The following CYBRD1 variants were observed in gnomAD, a reference collection of about 807,000 sequenced individuals.
CYBRD1 encodes the protein cytochrome b reductase 1.
In CYBRD1, 14 loss-of-function variants were observed where a neutral mutation model predicts 21.9. The ratio of observed to expected loss-of-function variants is 0.64; its 90% CI spans 0.42 to 1.00. The LOEUF is 1.00. CYBRD1 is among the 50% of genes least tolerant of loss of function. CYBRD1 has a pLI of 0.00. For missense variants in CYBRD1, 328 were observed against 352.5 expected, an observed-to-expected ratio of 0.93 and a Z score of 0.56; for synonymous variants, 146 against 136.5, an observed-to-expected ratio of 1.07 and a Z score of -0.48.
intron 2 of CYBRD1, among the ~76,000 whole-genome samples, chr2:171,542,952 C>G (rs1031004523): frequency 4.6e-5 from 7 of 152,000 alleles, no homozygotes; most frequent in African/African-American, 1.7e-4. Flanking sequence ...GGCTTAAATG[C>G]TTTTATTATA....
chr2:171,533,304 T>C (rs1226826708), intron 1 of CYBRD1, among the ~76,000 whole-genome samples: 1 of 152,150 alleles, frequency 6.6e-6, no homozygotes, highest in East Asian at 1.9e-4. Context: ...GAATCCGAGG[T>C]TGCAGTGAGC....
intron 3 of CYBRD1, among the ~76,000 whole-genome samples, chr2:171,553,963 G>A (rs929436230): frequency 6.6e-6 from 1 of 152,180 alleles, no homozygotes; most frequent in Non-Finnish European, 1.5e-5. Flanking sequence ...ACTCCACAGG[G>A]CGGGAGTGGC....
chr2:171,526,811 C>T (rs912622270), intron 1 of CYBRD1, among the ~76,000 whole-genome samples: 2 of 152,122 alleles, frequency 1.3e-5, no homozygotes, highest in Admixed American at 6.6e-5. Flanking sequence ...CTACATTTAG[C>T]GAAAAGAAGT....
At chr2:171,527,044 C>T (rs1344711891) in intron 1 of CYBRD1, among the ~76,000 whole-genome samples, 1 of 152,074 alleles carries the variant, frequency 6.6e-6, no homozygotes, top group Admixed American at 6.6e-5. Flanking sequence ...TCCAAGATTA[C>T]TTAAATAGAC....
At chr2:171,551,395 C>A (rs1473820229) in intron 2 of CYBRD1, among the ~76,000 whole-genome samples, 1 of 151,714 alleles carries the variant, frequency 6.6e-6, no homozygotes, top group Non-Finnish European at 1.5e-5. Flanking sequence ...TATATTCAGG[C>A]ATTTTGGTTA....
At position 171,522,611 on chromosome 2, in the gene CYBRD1, G is replaced by A. The variant is rs756288449; in HGVS notation, c.66G>A (p.Leu22=). ...GGTCGGCACTGCTCGTCGGCTTCCT[G>A]TCGGTGATCTTCGCCCTCGTCTGGG... ...LLGSALLVGF[L]SVIFALVWVL... The change falls in exon 1 of 4, where the codon CTG becomes CTA. Residue 22 remains leucine, a synonymous_variant. Coordinates refer to ENST00000321348, the MANE Select transcript of CYBRD1 (RefSeq NM_024843.4). This position sits in a 1 kb window ranked among gnomAD's most constrained non-coding sequence, Gnocchi z 4.3. 4 of 1,612,904 alleles carry A rather than the reference G, an allele frequency of 2.5e-6. No homozygotes were observed. The highest frequency in any genetic ancestry group is 3.4e-6 in the Non-Finnish European group (4 of 1,179,776).
Position 171,522,849 on chromosome 2 carries a change from C to T in CYBRD1, c.193+111C>T. 2 of 1,526,694 alleles carry T rather than the reference C, an allele frequency of 1.3e-6. No homozygotes were observed. The highest frequency in any genetic ancestry group is 1.8e-6 in the Non-Finnish European group (2 of 1,131,986). The allele number at this position is 1,526,694 out of a possible 1,614,324, so 94.6% of individuals were successfully genotyped here. ...GAGGAAGTGCTGGAGGATCGCGGGG[C>T]CCGGAGGAGTGCGGTGAGGAGCGCG... is the stretch of plus-strand genomic sequence containing the variant. On this transcript the variant is annotated intron_variant, in intron 1 of 3. Coordinates refer to ENST00000321348, the MANE Select transcript of CYBRD1 (RefSeq NM_024843.4). The surrounding 1 kb of genome is among the most constrained non-coding windows in gnomAD (Gnocchi z 4.3).
At chr2:171,536,202 G>A (rs542808287) in intron 1 of CYBRD1, among the ~76,000 whole-genome samples, 4 of 147,726 alleles carry the variant, frequency 2.7e-5, no homozygotes, top group South Asian at 2.1e-4. Context: ...GCAATGGTGC[G>A]ATCTCAGCTT....
intron 1 of CYBRD1, chr2:171,523,151 T>A: frequency 3.1e-6 from 1 of 321,054 alleles, no homozygotes; most frequent in Non-Finnish European, 6.3e-6. Context: ...CCCCGGAAAG[T>A]CGCCCCTGTG....
At chr2:171,547,585 A>G (rs1697736004) in intron 2 of CYBRD1, among the ~76,000 whole-genome samples, 1 of 152,214 alleles carries the variant, frequency 6.6e-6, no homozygotes, top group Non-Finnish European at 1.5e-5. Context: ...GAAGCAGGTC[A>G]CAGAGCACAG....
At chr2:171,548,106 G>GATTT (rs894829775) in intron 2 of CYBRD1, among the ~76,000 whole-genome samples, 3 of 142,244 alleles carry the variant, frequency 2.1e-5, no homozygotes, top group Non-Finnish European at 3.1e-5. Flanking sequence ...GTGCTGGTTA[G>GATTT]ATTTATTTAT....
chr2:171,522,407 G>A, upstream of CYBRD1: 1 of 1,503,008 alleles, frequency 6.7e-7, no homozygotes, highest in Non-Finnish European at 8.9e-7. This position sits in a 1 kb window ranked among gnomAD's most constrained non-coding sequence, Gnocchi z 4.3. Flanking sequence ...CGGGCCAGCA[G>A]CCCAGAAAGT....
chr2:171,543,011 T>C (rs1697658699), intron 2 of CYBRD1, among the ~76,000 whole-genome samples: 1 of 152,166 alleles, frequency 6.6e-6, no homozygotes, highest in Non-Finnish European at 1.5e-5. Context: ...CTTAGGTAAC[T>C]ATAAGGGAAC....
At chr2:171,545,068 G>C (rs1697689141) in intron 2 of CYBRD1, among the ~76,000 whole-genome samples, 1 of 151,234 alleles carries the variant, frequency 6.6e-6, no homozygotes, top group South Asian at 2.1e-4. Context: ...AAGCCTGGGA[G>C]GTCAAGGCTG....
At chr2:171,549,437 A>C (rs1408379069) in intron 2 of CYBRD1, among the ~76,000 whole-genome samples, 1 of 152,246 alleles carries the variant, frequency 6.6e-6, no homozygotes, top group African/African-American at 2.4e-5. Flanking sequence ...TTATAAAAGT[A>C]ATACACATTA....
intron 1 of CYBRD1, among the ~76,000 whole-genome samples, chr2:171,530,984 T>C (rs189024511): frequency 2.6e-5 from 4 of 151,692 alleles, no homozygotes; most frequent in Admixed American, 2.6e-4. Flanking sequence ...AAACCCCATC[T>C]CTACAAAAAA....
intron 1 of CYBRD1, among the ~76,000 whole-genome samples, chr2:171,529,390 GCA>G (rs1356461128): frequency 6.6e-6 from 1 of 152,000 alleles, no homozygotes; most frequent in African/African-American, 2.4e-5. Flanking sequence ...AATTAGCCGG[GCA>G]GGGTGGTGCA....
At position 171,553,387 on chromosome 2, in the gene CYBRD1, G is replaced by A. The variant is rs202158377; in HGVS notation, c.444G>A (p.Pro148=). 1.4e-4 allele frequency: 218 copies of A among 1,613,532 alleles called. No individual in the cohort carries two copies. Among genetic ancestry groups the A allele is most frequent in the South Asian group, 8.0e-4 (73 of 91,062 alleles). The change falls in exon 3 of 4, where the codon CCG becomes CCA. Residue 148 remains proline (P), a synonymous_variant. Transcript: ENST00000321348. ...CAGTCTTTCTGCTTCCATGGGCTCCGCTTTCTCTCCGAGCATTTCTCATGC... is the reference window on the plus strand; with the variant it reads ...CAGTCTTTCTGCTTCCATGGGCTCCACTTTCTCTCCGAGCATTTCTCATGC... ...GFSVFLLPWA[P]LSLRAFLMPI...
At chr2:171,543,474 TTCC>T (rs1246184951) in intron 2 of CYBRD1, among the ~76,000 whole-genome samples, 1 of 152,186 alleles carries the variant, frequency 6.6e-6, no homozygotes, top group African/African-American at 2.4e-5. Flanking sequence ...CTCCTTCTCC[TTCC>T]TCCTCATCTC....
Sources: gnomAD v4.1 joint callset for allele counts (sites outside exome capture counted in the v4.1 genomes callset) on GRCh38, gnomAD v4.1.1 for gene constraint, Gnocchi (gnomAD v3.1) non-coding constraint, MANE v1.5 for transcripts, NCBI Gene and HGNC (gene_info 2026-07-23, HGNC 2026-07-21) for gene names.